The following LMF1 variants were observed in gnomAD, a reference collection of about 807,000 sequenced individuals.
The protein encoded by LMF1 is lipase maturation factor 1, also known as transmembrane protein 112.
A neutral mutation model predicts 60.6 loss-of-function variants in LMF1; 68 were observed. That is an observed-to-expected ratio of 1.12 (90% confidence interval 0.92 to 1.37). The LOEUF (loss-of-function observed/expected upper bound fraction) is 1.37. Ranked by LOEUF, LMF1 falls within the 40% of genes most tolerant of loss-of-function variation. LMF1 has a pLI of 0.00. For synonymous variants in LMF1, 418 were observed against 324.7 expected (o/e 1.29, Z -3.09); for missense variants, 948 against 767.2 (o/e 1.24, Z -2.78).
intron 10 of LMF1, among the ~76,000 whole-genome samples, chr16:863,408 C>T (rs150384119): frequency 2.0e-5 from 3 of 152,188 alleles, no homozygotes; most frequent in Admixed American, 6.5e-5. Flanking sequence ...TCCCAAAGTG[C>T]GGTGATTTCA....
chr16:854,638 T>C lies in LMF1; in HGVS notation c.1598A>G (p.Lys533Arg). 1 of 1,607,154 alleles carries C rather than the reference T, an allele frequency of 6.2e-7. No individual in the cohort carries two copies. The change falls in exon 11 of 11, where the codon AAG (lysine) becomes AGG (arginine). Residue 533 changes from lysine (K) to arginine (R), a missense_variant. By Grantham distance (26) the Lys-to-Arg change is conservative. Coordinates refer to ENST00000262301, the MANE Select transcript of LMF1 (RefSeq NM_022773.4). The part of the protein sequence containing the change: ...RPGGRHAAEG[K>R]WWVRKRIGAY... ...TCCGATCCTCTTCCGCACCCACCAC[T>C]TGCCCTCGGCGGCGTGCCTGCCCCC...
chr16:868,389 C>T (rs1270807773), intron 10 of LMF1, among the ~76,000 whole-genome samples: 6 of 152,174 alleles, frequency 3.9e-5, no homozygotes, highest in Non-Finnish European at 7.4e-5. Context: ...GGAAAGTCAT[C>T]CCTGGTATGG....
chr16:951,984 G>T (rs1279981303), intron 2 of LMF1, among the ~76,000 whole-genome samples: 2 of 151,676 alleles, frequency 1.3e-5, no homozygotes, highest in Non-Finnish European at 2.9e-5. Context: ...CAGGCCTGCA[G>T]ACTCCCGTGA....
intron 10 of LMF1, among the ~76,000 whole-genome samples, chr16:865,567 GT>G (rs1197859841): frequency 4.6e-5 from 7 of 152,116 alleles, no homozygotes; most frequent in Admixed American, 3.3e-4. Flanking sequence ...GGCTGGCAAT[GT>G]TTTATTATCT....
At chr16:954,769 G>T in intron 1 of LMF1, 103 bp from the exon 2 acceptor site, 1 of 1,063,308 alleles carries the variant, frequency 9.4e-7, no homozygotes, top group Non-Finnish European at 1.3e-6. Flanking sequence ...GGAAGGGGAG[G>T]CAGAGTCTGG....
At chr16:936,572 G>A (rs2071953758) in intron 2 of LMF1, among the ~76,000 whole-genome samples, 1 of 150,066 alleles carries the variant, frequency 6.7e-6, no homozygotes, top group Admixed American at 6.6e-5. Flanking sequence ...GGCTGGGAGG[G>A]AGAGAGGGCA....
At chr16:965,422 C>A (rs1597088039) in intron 1 of LMF1, among the ~76,000 whole-genome samples, 1 of 152,026 alleles carries the variant, frequency 6.6e-6, no homozygotes, top group African/African-American at 2.4e-5. Context: ...ACCAAGGCCA[C>A]TACAAGAGAG....
intron 1 of LMF1, among the ~76,000 whole-genome samples, chr16:965,280 GGA>G (rs1466627797): frequency 8.5e-5 from 13 of 152,244 alleles, no homozygotes; most frequent in African/African-American, 3.1e-4. Context: ...AAGCTAGACA[GGA>G]GAGTGGCCCC....
upstream of LMF1, among the ~76,000 whole-genome samples, chr16:974,259 A>G (rs2073094600): frequency 6.6e-6 from 1 of 152,212 alleles, no homozygotes; most frequent in South Asian, 2.1e-4. Flanking sequence ...AGTGAGCTGC[A>G]GCGGCCGGGA....
chr16:909,778 A>G (rs2071060794), intron 4 of LMF1, among the ~76,000 whole-genome samples: 1 of 152,224 alleles, frequency 6.6e-6, no homozygotes, highest in South Asian at 2.1e-4. Context: ...TGCCTGCGGC[A>G]TGACCTGAAG....
intron 4 of LMF1, among the ~76,000 whole-genome samples, chr16:895,393 C>T (rs979758997): frequency 6.6e-6 from 1 of 152,180 alleles, no homozygotes; most frequent in Non-Finnish European, 1.5e-5. Context: ...TGGTGATGGA[C>T]CAGGGACCCC....
At chr16:941,136 CTTT>C (rs1181755363) in intron 2 of LMF1, among the ~76,000 whole-genome samples, 1 of 152,142 alleles carries the variant, frequency 6.6e-6, no homozygotes, top group African/African-American at 2.4e-5. Context: ...GTCTATCCTT[CTTT>C]ATCTTTATCC....
intron 2 of LMF1, among the ~76,000 whole-genome samples, chr16:952,164 T>G (rs1176772461): frequency 6.6e-6 from 1 of 152,078 alleles, no homozygotes; most frequent in Non-Finnish European, 1.5e-5. Context: ...GGCCTGCTTG[T>G]TGAATGAGGT....
chr16:894,349 TCCGC>T (rs1567197845), intron 4 of LMF1, among the ~76,000 whole-genome samples: 9 of 127,552 alleles, frequency 7.1e-5, no homozygotes, highest in African/African-American at 2.1e-4. Context: ...CACCGGACCG[TCCGC>T]CCACCTGTCC....
chr16:891,861 C>T (rs575920412), intron 5 of LMF1, among the ~76,000 whole-genome samples: 2 of 152,222 alleles, frequency 1.3e-5, no homozygotes, highest in Admixed American at 6.5e-5. Context: ...GGCTGCTCCC[C>T]GTCACGGCTG....
intron 4 of LMF1, among the ~76,000 whole-genome samples, chr16:896,962 G>C (rs1400217253): frequency 3.3e-5 from 5 of 151,442 alleles, no homozygotes; most frequent in Admixed American, 3.3e-4. Flanking sequence ...AAGGAACAAA[G>C]CCTTCTTTGA....
intron 3 of LMF1, among the ~76,000 whole-genome samples, chr16:931,107 C>A (rs1236124525): frequency 2.0e-5 from 3 of 151,322 alleles, no homozygotes; most frequent in Non-Finnish European, 4.4e-5. Context: ...GGCGACAGAG[C>A]GAGACTCCAT....
intron 1 of LMF1, chr16:977,042 G>GT (rs1567349486): frequency 2.2e-6 from 1 of 454,192 alleles, no homozygotes; most frequent in Non-Finnish European, 4.4e-6. Context: ...GCAGGCAGAC[G>GT]TAAGCTGCAG....
chr16:981,138 G>C (rs2073346964), intron 1 of LMF1: 1 of 442,396 alleles, frequency 2.3e-6, no homozygotes, highest in South Asian at 1.6e-5. Context: ...CCCTTGAAGC[G>C]CGTTACCTGG....
Sources: gnomAD v4.1 joint callset for allele counts (sites outside exome capture counted in the v4.1 genomes callset) on GRCh38, gnomAD v4.1.1 for gene constraint, MANE v1.5 for transcripts, NCBI Gene and HGNC (gene_info 2026-07-23, HGNC 2026-07-21) for gene names.